The following TRIO variants were observed in gnomAD, a reference collection of about 807,000 sequenced individuals.
TRIO encodes trio Rho guanine nucleotide exchange factor, also known as triple functional domain protein.
A neutral mutation model predicts 351.9 loss-of-function variants in TRIO; 58 were observed. That is an observed-to-expected ratio of 0.16 (90% CI 0.13 to 0.21). The LOEUF (loss-of-function observed/expected upper bound fraction) is 0.21. Among genes scored for constraint, TRIO ranks in the 10% least tolerant of loss-of-function variants. TRIO has a pLI of 1.00. For synonymous variants in TRIO, 1,758 were observed against 1,595.7 expected, an observed-to-expected ratio of 1.10 and a Z score of -2.42; for missense variants, 3,201 against 4,027.8, an observed-to-expected ratio of 0.79 and a Z score of 5.56.
intron 34 of TRIO, among the ~76,000 whole-genome samples, chr5:14,442,239 C>G (rs982215350): frequency 9.2e-5 from 14 of 152,188 alleles, no homozygotes; most frequent in African/African-American, 3.4e-4. Context: ...TCTTGTCAGC[C>G]GTTATCCGCG....
chr5:14,373,252 G>C (rs1745275701), intron 18 of TRIO, among the ~76,000 whole-genome samples: 1 of 152,152 alleles, frequency 6.6e-6, no homozygotes, highest in Admixed American at 6.5e-5. Flanking sequence ...GGCCATATCA[G>C]ACAACTCGAA....
intron 49 of TRIO, among the ~76,000 whole-genome samples, chr5:14,494,451 A>G (rs534684734): frequency 6.6e-6 from 1 of 152,316 alleles, no homozygotes; most frequent in African/African-American, 2.4e-5. Flanking sequence ...AATTCTTTCA[A>G]AATATTACTG....
At chr5:14,447,419 C>G (rs913727366) in intron 34 of TRIO, among the ~76,000 whole-genome samples, 1 of 152,096 alleles carries the variant, frequency 6.6e-6, no homozygotes, top group Non-Finnish European at 1.5e-5. Context: ...TCCATGCTAG[C>G]ATTCTGAATC....
intron 1 of TRIO, among the ~76,000 whole-genome samples, chr5:14,192,374 C>G (rs960539539): frequency 1.3e-5 from 2 of 151,932 alleles, no homozygotes; most frequent in Non-Finnish European, 2.9e-5. Context: ...ATCCTCCCAC[C>G]TCAGCCTCCT....
chr5:14,316,112 A>G (rs1368979395), intron 8 of TRIO, among the ~76,000 whole-genome samples: 1 of 152,234 alleles, frequency 6.6e-6, no homozygotes. Flanking sequence ...GTCTCGAGAT[A>G]AAATTATTAC....
At chr5:14,185,033 T>G (rs1790021697) in intron 1 of TRIO, among the ~76,000 whole-genome samples, 1 of 152,174 alleles carries the variant, frequency 6.6e-6, no homozygotes, top group Non-Finnish European at 1.5e-5. Flanking sequence ...ATGGACAGTT[T>G]TAGGATTTCC....
In TRIO at chr5:14,508,505, A is replaced by G. The variant is rs1425578176; in HGVS notation, c.*83A>G. ...TTTTCAAGAGAAAACAAGCAAACATAACTGATCAGCTGCCGGTATGTTCAT... is the reference window on the plus strand; with the variant it reads ...TTTTCAAGAGAAAACAAGCAAACATGACTGATCAGCTGCCGGTATGTTCAT... On this transcript the variant is annotated 3_prime_UTR_variant, in exon 57 of 57. Transcript: ENST00000344204. The G allele has an allele frequency of 1.4e-6, 2 of 1,478,062 alleles. No homozygotes were observed. The highest frequency in any genetic ancestry group is 1.8e-6 in the Non-Finnish European group (2 of 1,095,970). The allele number at this position is 1,478,062 out of a possible 1,614,324, so 91.6% of individuals were successfully genotyped here.
intron 34 of TRIO, among the ~76,000 whole-genome samples, chr5:14,430,963 C>T (rs1398100733): frequency 1.3e-5 from 2 of 152,180 alleles, no homozygotes; most frequent in Non-Finnish European, 2.9e-5. Context: ...CCGCCTTCCT[C>T]GACTTCCCAA....
At chr5:14,232,679 G>A (rs1364129392) in intron 1 of TRIO, among the ~76,000 whole-genome samples, 2 of 152,220 alleles carry the variant, frequency 1.3e-5, no homozygotes, top group African/African-American at 4.8e-5. Context: ...TAATAGCGAG[G>A]TGTGTATCCT....
At chr5:14,299,193 A>G (rs1467325508) in intron 7 of TRIO, among the ~76,000 whole-genome samples, 1 of 152,216 alleles carries the variant, frequency 6.6e-6, no homozygotes, top group African/African-American at 2.4e-5. Context: ...ATACAGCAAA[A>G]TTGAAAGAGC....
Position 14,244,378 on chromosome 5 carries a change from CTA to C in TRIO, c.158-26445_158-26444del, listed in dbSNP as rs561249359. Among the ~76,000 whole-genome samples the C allele has an allele frequency of 3.1e-3, 476 of 152,206 alleles. 2 individuals are homozygous for C. The highest frequency in any genetic ancestry group is 0.011 in the African/African-American group (463 of 41,502). ...AATGGGGCAAATATCATGGAAGAGG[CTA>C]TCTTTGAAGCTATAGAGAATGTAGA... On this transcript the variant is annotated intron_variant, in intron 1 of 56. Transcript: ENST00000344204.
intron 13 of TRIO, among the ~76,000 whole-genome samples, chr5:14,362,380 C>T (rs1744224569): frequency 6.6e-6 from 1 of 152,160 alleles, no homozygotes; most frequent in Non-Finnish European, 1.5e-5. Flanking sequence ...TTATTGTCAT[C>T]GACTCCCAGC....
intron 34 of TRIO, among the ~76,000 whole-genome samples, chr5:14,443,252 G>A (rs1444202951): frequency 2.0e-5 from 3 of 152,078 alleles, no homozygotes; most frequent in Non-Finnish European, 4.4e-5. Context: ...TTGATGACCC[G>A]TGTGGAATTT....
At chr5:14,475,365 C>A (rs903745734) in intron 40 of TRIO, among the ~76,000 whole-genome samples, 1 of 152,038 alleles carries the variant, frequency 6.6e-6, no homozygotes, top group African/African-American at 2.4e-5. Context: ...TCCATACTTG[C>A]TTCTCCATTA....
At chr5:14,418,871 G>A (rs1749866258) in intron 33 of TRIO, 3 of 152,234 alleles carry the variant, frequency 2.0e-5, no homozygotes, top group Non-Finnish European at 2.9e-5. Context: ...CTGTCCCCAC[G>A]GAGTTTACTG....
At chr5:14,492,944 C>T in intron 49 of TRIO, 130 bp downstream of exon 49, 2 of 1,381,510 alleles carry the variant, frequency 1.4e-6, no homozygotes, top group Non-Finnish European at 9.6e-7. Flanking sequence ...AGAACAGGCT[C>T]AGCTCTGAGC....
intron 8 of TRIO, among the ~76,000 whole-genome samples, chr5:14,306,486 C>T (rs1412209852): frequency 6.6e-6 from 1 of 152,136 alleles, no homozygotes; most frequent in Non-Finnish European, 1.5e-5. Flanking sequence ...CTAATTTTGA[C>T]CTATAACACA....
At chr5:14,359,928 A>G (rs1349624708) in intron 13 of TRIO, among the ~76,000 whole-genome samples, 2 of 151,986 alleles carry the variant, frequency 1.3e-5, no homozygotes, top group Admixed American at 6.6e-5. Flanking sequence ...TCAGGCAGCA[A>G]GTCTTCCTCT....
intron 53 of TRIO, among the ~76,000 whole-genome samples, chr5:14,499,523 A>G (rs74892411): frequency 0.018 from 2,740 of 152,348 alleles, 73 homozygotes; most frequent in African/African-American, 0.057. Flanking sequence ...TCTGTAGACA[A>G]TAAGCAGAAT....
Sources: allele counts gnomAD v4.1 joint callset (sites outside exome capture counted in the v4.1 genomes callset), GRCh38; gene constraint gnomAD v4.1.1; transcripts MANE v1.5; gene names NCBI Gene and HGNC (gene_info 2026-07-23, HGNC 2026-07-21).